WWOX: variants seen among roughly 807,000 people sequenced by gnomAD.
WWOX encodes the protein WW domain containing oxidoreductase.
WWOX carries 69 observed loss-of-function variants against 46.2 expected under a neutral mutation model. The ratio of observed to expected loss-of-function variants is 1.49; its 90% CI spans 1.23 to 1.82. WWOX has a LOEUF of 1.82. WWOX is among the 40% of genes most tolerant of loss of function. WWOX has a pLI of 0.00. For synonymous variants in WWOX, 359 were observed against 202.6 expected (o/e 1.77, Z -6.56); for missense variants, 919 against 542.6 (o/e 1.69, Z -6.89).
intron 5 of WWOX, among the ~76,000 whole-genome samples, chr16:78,314,688 G>GTTTTTTTTTTTTTTTTTTTTTTTTT: frequency 1.1e-5 from 1 of 90,512 alleles, no homozygotes; most frequent in Non-Finnish European, 2.0e-5. Context: ...CCCTGCAGGG[G>GTTTTTTTTTTTTTTTTTTTTTTTTT]TTTTTTTTTT....
At chr16:78,834,387 A>T (rs755631600) in intron 8 of WWOX, among the ~76,000 whole-genome samples, 2 of 152,162 alleles carry the variant, frequency 1.3e-5, no homozygotes, top group Non-Finnish European at 1.5e-5. Context: ...GTGTCTCATA[A>T]ATCGGCACAA....
At chr16:78,467,734 A>T (rs532375225) in intron 8 of WWOX, among the ~76,000 whole-genome samples, 1 of 152,334 alleles carries the variant, frequency 6.6e-6, no homozygotes, top group South Asian at 2.1e-4. Context: ...AGGGGACTGA[A>T]ATTAGTGCTG....
intron 8 of WWOX, among the ~76,000 whole-genome samples, chr16:78,524,238 C>T (rs577027201): frequency 2.6e-5 from 4 of 152,260 alleles, no homozygotes; most frequent in African/African-American, 9.6e-5. Flanking sequence ...AGGCACTTGT[C>T]ATGGTGTGAC....
intron 8 of WWOX, among the ~76,000 whole-genome samples, chr16:78,867,894 T>C (rs1163192962): frequency 2.0e-5 from 3 of 152,010 alleles, no homozygotes; most frequent in African/African-American, 7.3e-5. Context: ...ATCCCAAGAG[T>C]TGTGAAAATG....
intron 8 of WWOX, among the ~76,000 whole-genome samples, chr16:79,036,174 G>C (rs563092688): frequency 1.3e-5 from 2 of 152,220 alleles, no homozygotes; most frequent in East Asian, 1.9e-4. Flanking sequence ...CCTTGGGTCA[G>C]GTTTCACCCT....
At chr16:78,579,900 A>G (rs2045005713) in intron 8 of WWOX, among the ~76,000 whole-genome samples, 1 of 152,084 alleles carries the variant, frequency 6.6e-6, no homozygotes, top group Admixed American at 6.5e-5. Flanking sequence ...GTGTCTCTGC[A>G]TTTCACTCCG....
At chr16:78,784,840 T>C (rs1282763676) in intron 8 of WWOX, among the ~76,000 whole-genome samples, 1 of 152,102 alleles carries the variant, frequency 6.6e-6, no homozygotes, top group East Asian at 1.9e-4. Flanking sequence ...GGGATACTCA[T>C]GGTTGAAGGT....
At chr16:78,460,072 G>A (rs1359983387) in intron 8 of WWOX, among the ~76,000 whole-genome samples, 1 of 152,036 alleles carries the variant, frequency 6.6e-6, no homozygotes, top group African/African-American at 2.4e-5. Flanking sequence ...CTCCCAAAGT[G>A]CTGGGATTAC....
intron 4 of WWOX, among the ~76,000 whole-genome samples, chr16:78,150,875 A>G (rs1025598872): frequency 3.3e-5 from 5 of 151,440 alleles, no homozygotes; most frequent in African/African-American, 1.2e-4. Flanking sequence ...AGAAAATTTC[A>G]AAGGTTTTTG....
intron 8 of WWOX, among the ~76,000 whole-genome samples, chr16:79,028,593 C>G (rs2047692188): frequency 6.6e-6 from 1 of 151,404 alleles, no homozygotes. Context: ...TCCAGCTTAA[C>G]TAAAATTTTC....
chr16:78,397,950 A>G (rs1242634296), intron 6 of WWOX, among the ~76,000 whole-genome samples: 1 of 152,184 alleles, frequency 6.6e-6, no homozygotes, highest in East Asian at 1.9e-4. Flanking sequence ...ACCAATCAAG[A>G]GGGTGCTGCT....
intron 8 of WWOX, among the ~76,000 whole-genome samples, chr16:78,565,263 G>A (rs2044537490): frequency 2.0e-5 from 3 of 152,188 alleles, no homozygotes; most frequent in Admixed American, 2.0e-4. Context: ...AACAACACAT[G>A]CTTATCATGT....
intron 8 of WWOX, among the ~76,000 whole-genome samples, chr16:79,137,145 C>T (rs1439070038): frequency 6.6e-6 from 1 of 152,188 alleles, no homozygotes; most frequent in Non-Finnish European, 1.5e-5. Context: ...TTATGGATCT[C>T]TGTAGCAGGC....
chr16:78,643,262 A>G (rs1244408700), intron 8 of WWOX, among the ~76,000 whole-genome samples: 1 of 152,226 alleles, frequency 6.6e-6, no homozygotes, highest in African/African-American at 2.4e-5. Flanking sequence ...ATCATCTATC[A>G]AATTTTTACC....
chr16:78,782,128 C>A (rs544466573), intron 8 of WWOX, among the ~76,000 whole-genome samples: 6 of 152,168 alleles, frequency 3.9e-5, no homozygotes, highest in Non-Finnish European at 8.8e-5. Context: ...TCACCACCTT[C>A]ACTGGCTTTA....
chr16:78,856,643 A>C (rs770579205), intron 8 of WWOX, among the ~76,000 whole-genome samples: 9 of 152,214 alleles, frequency 5.9e-5, no homozygotes, highest in African/African-American at 9.6e-5. Flanking sequence ...ACTCTGTCTC[A>C]GAAAGAGGAA....
intron 8 of WWOX, among the ~76,000 whole-genome samples, chr16:78,915,568 A>C (rs1305198273): frequency 1.3e-5 from 2 of 152,308 alleles, no homozygotes; most frequent in Non-Finnish European, 2.9e-5. Flanking sequence ...ATTTAAAAAA[A>C]TGAAAAATTG....
chr16:78,259,482 A>G (rs2038223277), intron 5 of WWOX, among the ~76,000 whole-genome samples: 1 of 145,062 alleles, frequency 6.9e-6, no homozygotes, highest in Admixed American at 6.7e-5. Context: ...ACACGCCACT[A>G]TGCCCAGCTA....
At chr16:78,429,979 G>T (rs2083178818) in intron 7 of WWOX, among the ~76,000 whole-genome samples, 1 of 152,150 alleles carries the variant, frequency 6.6e-6, no homozygotes, top group Non-Finnish European at 1.5e-5. Context: ...CACCAACCTT[G>T]AGTGAAGCCT....
Sources: gnomAD v4.1 joint callset for allele counts (sites outside exome capture counted in the v4.1 genomes callset) on GRCh38, gnomAD v4.1.1 for gene constraint, MANE v1.5 for transcripts, NCBI Gene and HGNC (gene_info 2026-07-23, HGNC 2026-07-21) for gene names.